The following ANK3 variants were observed in gnomAD, a reference collection of about 807,000 sequenced individuals.
ANK3 encodes the protein ankyrin 3.
ANK3 carries 57 observed loss-of-function variants against 370.9 expected under a neutral mutation model. The observed-to-expected ratio is 0.15, with a 90% CI of 0.12 to 0.19. The LOEUF is 0.19. Ranked by LOEUF, ANK3 falls within the 10% of genes least tolerant of loss-of-function variation. The pLI is 1.00. For synonymous variants in ANK3, 1,929 were observed against 1,946.3 expected (o/e 0.99, Z 0.23); for missense variants, 4,439 against 5,302.1 (o/e 0.84, Z 5.06).
At chr10:60,150,396 A>G (rs2095053353) in intron 23 of ANK3, among the ~76,000 whole-genome samples, 1 of 152,134 alleles carries the variant, frequency 6.6e-6, no homozygotes, top group Non-Finnish European at 1.5e-5. Flanking sequence ...TCTATTCTTT[A>G]AAATGCCTTT....
chr10:60,572,667 C>A, intron 2 of ANK3: 1 of 1,438,544 alleles, frequency 7.0e-7, no homozygotes, highest in Non-Finnish European at 9.1e-7. Context: ...GCTGCTTAAA[C>A]CCAGCCCCTG....
At chr10:60,059,484 T>A in intron 40 of ANK3, 54 bp from the exon 41 acceptor site, 1 of 1,491,144 alleles carries the variant, frequency 6.7e-7, no homozygotes, top group South Asian at 1.1e-5. Context: ...AAGAATAGCC[T>A]GTACTTTTTC....
At chr10:60,148,469 CT>C (rs1331982061) in intron 23 of ANK3, among the ~76,000 whole-genome samples, 1 of 152,148 alleles carries the variant, frequency 6.6e-6, no homozygotes, top group Non-Finnish European at 1.5e-5. Context: ...AAAAGAAGCA[CT>C]TTTAGCCACA....
chr10:60,075,102 T>C lies in ANK3; in HGVS notation c.5779A>G (p.Lys1927Glu). ...TTTGGGAGTTCAGGTTGGAATGGCT[T>C]CTCCTCAGGCACATCTGTCTGTAGT... ...AILQTDVPEE[K>E]PFQPELPKEG... is the part of the protein sequence containing the mutation. Residue 1927 changes from lysine to glutamate, a missense_variant, in exon 37 of 44, where the codon AAG becomes GAG. Lys to Glu is a moderately conservative substitution (Grantham distance 56). This residue lies in a region of ANK3 where 679 missense variants were observed against 791.0 expected (regional missense o/e 0.86). Transcript: ENST00000280772. 6.2e-7 allele frequency: 1 copy of C among 1,614,126 alleles called. No individual in the cohort carries two copies. Among genetic ancestry groups the C allele is most frequent in the Non-Finnish European group, 8.5e-7 (1 of 1,180,006 alleles).
chr10:60,301,602 G>A (rs920203630), intron 1 of ANK3, among the ~76,000 whole-genome samples: 1 of 151,718 alleles, frequency 6.6e-6, no homozygotes, highest in Non-Finnish European at 1.5e-5. Flanking sequence ...TAGTAAGGAC[G>A]GGGTTTCACC....
At chr10:60,158,744 T>G (rs1285461814) in intron 23 of ANK3, among the ~76,000 whole-genome samples, 2 of 140,074 alleles carry the variant, frequency 1.4e-5, no homozygotes, top group African/African-American at 5.4e-5. Context: ...GGTGCTATCT[T>G]GGCTCACTGC....
intron 1 of ANK3, among the ~76,000 whole-genome samples, chr10:60,692,153 G>C (rs2079363586): frequency 6.6e-6 from 1 of 152,200 alleles, no homozygotes; most frequent in Non-Finnish European, 1.5e-5. Flanking sequence ...TTTGTTGTTT[G>C]AGTGACCAAC....
At chr10:60,335,190 A>G (rs2052522401) in intron 1 of ANK3, among the ~76,000 whole-genome samples, 1 of 152,164 alleles carries the variant, frequency 6.6e-6, no homozygotes, top group Admixed American at 6.5e-5. Flanking sequence ...AGACTCCTGG[A>G]TGCTCAAGAA....
Position 60,075,572 on chromosome 10 carries a change from G to A in ANK3, c.5309C>T (p.Thr1770Met), listed in dbSNP as rs536556876. ...GAGTGGGGAAAATGGCATTGCAGTC[G>A]TGGTAGAAAACACTTTCTCAACTGT... Reference protein sequence around the residue: ...TDTVEKVFSTTTAMPFSPLRS... With the variant: ...TDTVEKVFSTMTAMPFSPLRS... The change falls in exon 37 of 44, where the codon ACG becomes ATG. Residue 1770 changes from threonine (T) to methionine (M), a missense_variant. Thr to Met is a moderately conservative substitution (Grantham distance 81). Around this residue, in one of 13 missense-constraint regions of ANK3, gnomAD observed 679 missense variants for 791.0 expected, o/e 0.86. Transcript: ENST00000280772. 2.5e-5 allele frequency: 41 copies of A among 1,614,080 alleles called. 1 individual carries two copies. The highest frequency in any genetic ancestry group is 1.1e-4 in the African/African-American group (8 of 75,050).
At chr10:60,673,072 G>A (rs1423615550) in intron 1 of ANK3, among the ~76,000 whole-genome samples, 1 of 149,914 alleles carries the variant, frequency 6.7e-6, no homozygotes, top group East Asian at 1.9e-4. Context: ...ACCTCTGCAT[G>A]TAGATGAGGA....
At chr10:60,346,549 G>T (rs1257805142) in intron 1 of ANK3, among the ~76,000 whole-genome samples, 2 of 151,972 alleles carry the variant, frequency 1.3e-5, no homozygotes, top group African/African-American at 2.4e-5. Context: ...CCCACATTAA[G>T]GAATAATAAA....
rs769351904 is a variant in ANK3, at chr10:60,498,013, G to A, written c.96+117173C>T. Among the ~76,000 whole-genome samples, 8 of 151,968 alleles carry A rather than the reference G, an allele frequency of 5.3e-5. No individual in the cohort carries two copies. In the East Asian group the frequency reaches 1.5e-3, roughly 29 times the overall value. On this transcript the variant is annotated intron_variant, in intron 2 of 43. Transcript: ENST00000373827. Reference sequence around the variant, plus strand: ...TGTTGGAACATCCATTATCACCGTCGGACTCCTGACAATCCACCCACAATC... The same window carrying A: ...TGTTGGAACATCCATTATCACCGTCAGACTCCTGACAATCCACCCACAATC...
chr10:60,465,273 AAAAG>A, intron 2 of ANK3, among the ~76,000 whole-genome samples: 1 of 152,088 alleles, frequency 6.6e-6, no homozygotes, highest in Admixed American at 6.5e-5. Context: ...CCAAAAAAAA[AAAAG>A]AAAGAACAGA....
chr10:60,344,877 T>G (rs1378804394), intron 1 of ANK3, among the ~76,000 whole-genome samples: 1 of 152,190 alleles, frequency 6.6e-6, no homozygotes, highest in Non-Finnish European at 1.5e-5. Flanking sequence ...AAGATGAGAT[T>G]TAAAGAAATG....
chr10:60,213,358 T>G (rs932721214), intron 9 of ANK3, 54 bp downstream of exon 9: 1 of 1,256,896 alleles, frequency 8.0e-7, no homozygotes, highest in Non-Finnish European at 1.2e-6. Context: ...GGCTAGATCA[T>G]ATAACCATCA....
intron 8 of ANK3, among the ~76,000 whole-genome samples, chr10:60,216,726 C>CT: frequency 6.6e-6 from 1 of 152,064 alleles, no homozygotes; most frequent in East Asian, 1.9e-4. Flanking sequence ...CTGAAGTTTT[C>CT]TTTTTTTGTT....
rs1258054489 is a variant in ANK3, at chr10:60,451,057, GA to G, written c.96+164128del. Reference sequence around the variant, plus strand: ...TGTGTCTTAACAAGAGACAGAAAAGGAGAGACTTGGAGACACAGAGGGAGAG... The same window carrying G: ...TGTGTCTTAACAAGAGACAGAAAAGGGAGACTTGGAGACACAGAGGGAGAG... On this transcript the variant is annotated intron_variant, in intron 2 of 43. Coordinates refer to the ANK3 transcript ENST00000373827. Among the ~76,000 whole-genome samples the G allele has an allele frequency of 2.0e-5, 3 of 152,296 alleles. No homozygotes were observed. The East Asian group carries it at 5.8e-4, about 29-fold the overall frequency.
At chr10:60,722,887 C>T (rs191594038) in intron 1 of ANK3, among the ~76,000 whole-genome samples, 17 of 152,338 alleles carry the variant, frequency 1.1e-4, no homozygotes, top group Admixed American at 6.5e-4. Context: ...GATGCCTTAG[C>T]AGGAGCAGAT....
intron 1 of ANK3, among the ~76,000 whole-genome samples, chr10:60,673,172 C>T (rs1029985589): frequency 3.3e-5 from 5 of 151,762 alleles, no homozygotes; most frequent in African/African-American, 1.2e-4. Context: ...CTACTGTAAA[C>T]ATGTTTTACT....
Sources: gnomAD v4.1 joint callset for allele counts (sites outside exome capture counted in the v4.1 genomes callset) on GRCh38, gnomAD v4.1.1 for gene constraint, gnomAD v4.1.1 regional missense constraint, MANE v1.5 for transcripts, NCBI Gene and HGNC (gene_info 2026-07-23, HGNC 2026-07-21) for gene names.